Variants in FREM2 observed in about 807,000 individuals in gnomAD.
The protein encoded by FREM2 is FRAS1-related extracellular matrix protein 2.
A neutral mutation model predicts 219.9 loss-of-function variants in FREM2; 119 were observed. The observed-to-expected ratio is 0.54, with a 90% CI of 0.47 to 0.63. The LOEUF (loss-of-function observed/expected upper bound fraction) is 0.63, where lower values mean the gene tolerates loss of function less well. Among genes scored for constraint, FREM2 ranks in the 30% least tolerant of loss-of-function variants. FREM2 has a pLI of 0.00. For missense variants in FREM2, 4,030 were observed against 3,993.6 expected, an observed-to-expected ratio of 1.01 and a Z score of -0.25; for synonymous variants, 1,562 against 1,522.8, an observed-to-expected ratio of 1.03 and a Z score of -0.60.
chr13:38,866,479 C>G (rs549996809), intron 16 of FREM2, among the ~76,000 whole-genome samples: 297 of 151,596 alleles, frequency 2.0e-3, no homozygotes, highest in Non-Finnish European at 3.0e-3. Flanking sequence ...GCCTAGGCAA[C>G]AGAGCGAGAC....
chr13:38,696,619 C>A (rs998880001), intron 1 of FREM2, among the ~76,000 whole-genome samples: 1 of 151,948 alleles, frequency 6.6e-6, no homozygotes, highest in Admixed American at 6.6e-5. Context: ...CAGAACAAAA[C>A]GATTTTTTTC....
At position 38,884,965 on chromosome 13, in the gene FREM2, A is replaced by C. The variant is rs1020558482; in HGVS notation, c.*4178A>C. On this transcript the variant is annotated 3_prime_UTR_variant, in exon 24 of 24. Transcript: ENST00000280481. ...GTTCAGAGGTTAATATATTTCCTGG[A>C]GGTGTTTTCCTAGAATTGATTGCAC... is the stretch of plus-strand genomic sequence containing the variant. 6.6e-6 allele frequency: 1 copy of C among 152,182 alleles called. No individual in the cohort carries two copies. The highest frequency in any genetic ancestry group is 2.4e-5 in the African/African-American group (1 of 41,460). 9.4% of individuals were successfully genotyped at this position (152,182 alleles called of 1,614,324 possible). A position where few individuals can be genotyped will look rare whatever the true frequency, so the allele number is the denominator to read the frequency against.
At chr13:38,709,277 T>C (rs1301357132) in intron 2 of FREM2, among the ~76,000 whole-genome samples, 1 of 152,206 alleles carries the variant, frequency 6.6e-6, no homozygotes, top group East Asian at 1.9e-4. Context: ...CTTCTACTCC[T>C]ATCCTTAGGG....
At chr13:38,774,922 T>A (rs1409084130) in intron 4 of FREM2, among the ~76,000 whole-genome samples, 3 of 152,206 alleles carry the variant, frequency 2.0e-5, no homozygotes, top group Admixed American at 6.5e-5. Flanking sequence ...GTCATTCTGA[T>A]ATTTCCATGA....
Position 38,886,527 on chromosome 13 carries a change from A to G in FREM2, c.*5740A>G, listed in dbSNP as rs895111359. 6.6e-6 allele frequency: 1 copy of G among 152,124 alleles called. No individual in the cohort carries two copies. The highest frequency in any genetic ancestry group is 2.4e-5 in the African/African-American group (1 of 41,406). 9.4% of individuals were successfully genotyped at this position (152,124 alleles called of 1,614,324 possible). A position where few individuals can be genotyped will look rare whatever the true frequency, so the allele number is the denominator to read the frequency against. On this transcript the variant is annotated 3_prime_UTR_variant, in exon 24 of 24. Coordinates refer to ENST00000280481, the MANE Select transcript of FREM2 (RefSeq NM_207361.6). ...ATTCTCCTGCCTCAACCTCCTGAGT[A>G]GCTGGAATTACAGGTGCCCACTACC... is the stretch of plus-strand genomic sequence containing the variant.
At chr13:38,837,797 C>CTTTTTTTTTTTTTTTTT (rs1324884346) in intron 6 of FREM2, among the ~76,000 whole-genome samples, 15 of 123,748 alleles carry the variant, frequency 1.2e-4, no homozygotes, top group Non-Finnish European at 2.0e-4. Context: ...TTTGTTTTTG[C>CTTTTTTTTTTTTTTTTT]TTTCCATTTG....
chr13:38,846,572 G>T lies in FREM2; in HGVS notation c.6020-1G>T. ...AATGATTTCTGTTCCTTTCTTAACA[G>T]AACCCATCTTTTACTTCGGTGATGT... is the stretch of plus-strand genomic sequence containing the variant. On this transcript the variant is annotated splice_acceptor_variant, in intron 6 of 23. Transcript: ENST00000280481. LOFTEE classifies it high-confidence loss of function. 1 of 1,613,408 alleles carries T rather than the reference G, an allele frequency of 6.2e-7. No individual in the cohort carries two copies. Among genetic ancestry groups the T allele is most frequent in the Non-Finnish European group, 8.5e-7 (1 of 1,179,620 alleles).
intron 2 of FREM2, among the ~76,000 whole-genome samples, chr13:38,735,390 T>C (rs1163525616): frequency 1.3e-5 from 2 of 152,182 alleles, no homozygotes; most frequent in Non-Finnish European, 2.9e-5. Flanking sequence ...GCCGGTAATG[T>C]CTATATTTGA....
chr13:38,734,193 G>GA (rs1332807454), intron 2 of FREM2, among the ~76,000 whole-genome samples: 6 of 151,504 alleles, frequency 4.0e-5, no homozygotes, highest in Non-Finnish European at 7.4e-5. Context: ...AAAGAAACAG[G>GA]AAAAAACAAA....
intron 6 of FREM2, among the ~76,000 whole-genome samples, chr13:38,792,192 C>G (rs1874588945): frequency 6.6e-6 from 1 of 151,990 alleles, no homozygotes; most frequent in Admixed American, 6.6e-5. Flanking sequence ...ACTAAAAATA[C>G]AAAAAACTTA....
At chr13:38,723,846 T>C (rs1453712635) in intron 2 of FREM2, among the ~76,000 whole-genome samples, 1 of 152,170 alleles carries the variant, frequency 6.6e-6, no homozygotes, top group African/African-American at 2.4e-5. Context: ...TTGTCATTAC[T>C]CTCCTAAGAG....
rs540386610 is a variant in FREM2 at position 38,755,208 on chromosome 13, A to T, written c.5264-9096A>T. ...GAGCCACCATGCCCGGCCAGTCAAGATTATTTTTAATATCACTTCTGCCCC... is the reference window on the plus strand; with the variant it reads ...GAGCCACCATGCCCGGCCAGTCAAGTTTATTTTTAATATCACTTCTGCCCC... On this transcript the variant is annotated intron_variant, in intron 2 of 23. Coordinates refer to ENST00000280481, the MANE Select transcript of FREM2 (RefSeq NM_207361.6). Among the ~76,000 whole-genome samples the T allele has an allele frequency of 1.4e-4, 22 of 152,012 alleles. 1 individual carries two copies. In the South Asian group the frequency reaches 3.8e-3, roughly 26 times the overall value.
chr13:38,864,935 G>A (rs1189010038), intron 16 of FREM2, among the ~76,000 whole-genome samples: 1 of 152,124 alleles, frequency 6.6e-6, no homozygotes, highest in African/African-American at 2.4e-5. Flanking sequence ...TATACACTAT[G>A]TTGTTTTTGT....
intron 6 of FREM2, among the ~76,000 whole-genome samples, chr13:38,844,949 G>A (rs1877095631): frequency 6.6e-6 from 1 of 152,190 alleles, no homozygotes; most frequent in Non-Finnish European, 1.5e-5. Context: ...TGTAATTGAG[G>A]TTGGCTTTGA....
chr13:38,786,293 A>G (rs901303097), intron 6 of FREM2, among the ~76,000 whole-genome samples: 5 of 152,204 alleles, frequency 3.3e-5, no homozygotes, highest in African/African-American at 1.2e-4. Flanking sequence ...ATCCATAACA[A>G]CATCTGTGTT....
intron 6 of FREM2, among the ~76,000 whole-genome samples, chr13:38,804,677 A>G (rs1484754088): frequency 2.0e-5 from 3 of 152,230 alleles, no homozygotes; most frequent in African/African-American, 4.8e-5. Flanking sequence ...ATTCTGAGTC[A>G]GAGGAAGAAC....
intron 6 of FREM2, among the ~76,000 whole-genome samples, chr13:38,798,292 G>A (rs1216794982): frequency 6.6e-6 from 1 of 152,068 alleles, no homozygotes; most frequent in African/African-American, 2.4e-5. Context: ...ATCTGCATAT[G>A]TTGAACCATC....
chr13:38,711,461 A>G (rs947007778), intron 2 of FREM2, among the ~76,000 whole-genome samples: 4 of 152,226 alleles, frequency 2.6e-5, no homozygotes, highest in Admixed American at 1.3e-4. Flanking sequence ...TTAAGATGCT[A>G]TCTTAGGAGC....
intron 2 of FREM2, among the ~76,000 whole-genome samples, chr13:38,757,591 C>CT (rs908979497): frequency 6.6e-5 from 10 of 150,894 alleles, no homozygotes; most frequent in South Asian, 2.1e-4. Context: ...TGCCACTCCT[C>CT]TTTTTTTTTC....
Sources: allele counts gnomAD v4.1 joint callset (sites outside exome capture counted in the v4.1 genomes callset), GRCh38; gene constraint gnomAD v4.1.1; transcripts MANE v1.5; gene names NCBI Gene and HGNC (gene_info 2026-07-23, HGNC 2026-07-21).